Variants in ZNF273 observed in about 807,000 individuals in gnomAD.
ZNF273 encodes zinc finger protein 9.
ZNF273 carries 11 observed loss-of-function variants against 14.9 expected under a neutral mutation model. The ratio of observed to expected loss-of-function variants is 0.74; its 90% confidence interval spans 0.46 to 1.22. The LOEUF is 1.22. Ranked by LOEUF, ZNF273 falls within the 50% of genes most tolerant of loss-of-function variation. ZNF273 has a pLI of 0.00. For synonymous variants in ZNF273, 199 were observed against 223.9 expected (o/e 0.89, Z 0.99); for missense variants, 577 against 660.6 (o/e 0.87, Z 1.39).
chr7:64,923,018 T>C (rs1197329042), intron 3 of ZNF273, among the ~76,000 whole-genome samples: 1 of 152,154 alleles, frequency 6.6e-6, no homozygotes, highest in Non-Finnish European at 1.5e-5. Context: ...ATAAATATTC[T>C]TAAATATTCA....
downstream of ZNF273, among the ~76,000 whole-genome samples, chr7:64,881,092 C>A (rs1374743363): frequency 6.6e-6 from 1 of 152,210 alleles, no homozygotes; most frequent in African/African-American, 2.4e-5. Context: ...GCATTCCCTT[C>A]GTCCACAGGC....
chr7:64,884,117 G>A (rs1161082692), downstream of ZNF273, among the ~76,000 whole-genome samples: 1 of 152,064 alleles, frequency 6.6e-6, no homozygotes, highest in Non-Finnish European at 1.5e-5. Flanking sequence ...TGTGGATTTC[G>A]TTGGTCTTTG....
chr7:64,905,385 A>C (rs1243371157), intron 1 of ZNF273, among the ~76,000 whole-genome samples: 1 of 146,960 alleles, frequency 6.8e-6, no homozygotes. Flanking sequence ...CAGAGTGCTG[A>C]GATTACAGGC....
chr7:64,926,474 A>G (rs993296072), intron 3 of ZNF273, among the ~76,000 whole-genome samples: 1 of 151,738 alleles, frequency 6.6e-6, no homozygotes, highest in Non-Finnish European at 1.5e-5. Context: ...ACTTGTTTTT[A>G]TCCTCATATT....
chr7:64,927,135 C>G (rs1001851386), intron 3 of ZNF273, among the ~76,000 whole-genome samples: 1 of 152,210 alleles, frequency 6.6e-6, no homozygotes, highest in Admixed American at 6.5e-5. Flanking sequence ...TCTCATCACC[C>G]AGGCTGAAGT....
chr7:64,914,766 G>T (rs1263807638), intron 1 of ZNF273, among the ~76,000 whole-genome samples: 1 of 152,160 alleles, frequency 6.6e-6, no homozygotes. Flanking sequence ...CTGTTTTGGA[G>T]TTTTTCATGT....
chr7:64,902,734 A>T (rs1270945280), upstream of ZNF273, among the ~76,000 whole-genome samples: 1 of 152,214 alleles, frequency 6.6e-6, no homozygotes, highest in Non-Finnish European at 1.5e-5. Flanking sequence ...AAAGAAAAAG[A>T]AAGAAAGAAA....
chr7:64,924,151 A>T (rs758974822), intron 3 of ZNF273: 1 of 150,742 alleles, frequency 6.6e-6, no homozygotes, highest in Non-Finnish European at 1.5e-5. Flanking sequence ...TTAGCTTTTA[A>T]TATTGTTTTA....
downstream of ZNF273, among the ~76,000 whole-genome samples, chr7:64,880,978 T>A (rs1791236659): frequency 6.6e-6 from 1 of 152,168 alleles, no homozygotes; most frequent in Non-Finnish European, 1.5e-5. Flanking sequence ...TTAGGTCAGA[T>A]GGGGTGAGGA....
intron 1 of ZNF273, among the ~76,000 whole-genome samples, chr7:64,885,021 C>T (rs72504857): frequency 1.3e-5 from 2 of 152,340 alleles, no homozygotes; most frequent in Admixed American, 6.5e-5. Context: ...GCGCCAGTCG[C>T]GGGACACCTG....
chr7:64,890,217 T>TGAGAGAGAGAGAGAGAGAGAGAGA (rs768884417), downstream of ZNF273: 1 of 19,910 alleles, frequency 5.0e-5, no homozygotes, highest in Non-Finnish European at 1.5e-4. Context: ...TGTGTGTGTG[T>TGAGAGAGAGAGAGAGAGAGAGAGA]GTGTGAGAGA....
upstream of ZNF273, among the ~76,000 whole-genome samples, chr7:64,901,649 CATGGG>C (rs956793656): frequency 2.6e-5 from 4 of 152,194 alleles, no homozygotes; most frequent in African/African-American, 9.7e-5. Context: ...TTTTCTCTGC[CATGGG>C]ATCCTCCTAT....
Position 64,927,788 on chromosome 7 carries a change from G to T in ZNF273, c.460G>T (p.Asp154Tyr), listed in dbSNP as rs565344844. The change falls in exon 4 of 4, where the codon GAT becomes TAT. Residue 154 changes from aspartate to tyrosine, a missense_variant. Asp to Tyr is a radical substitution (Grantham distance 160). Transcript: ENST00000476120. Reference protein sequence around the residue: ...LQLRKGCKSADEHKVHKRGYN... With the variant: ...LQLRKGCKSAYEHKVHKRGYN... ...ATTAAGAAAAGGCTGTAAAAGTGCG[G>T]ATGAGCATAAGGTGCACAAAAGAGG... is the stretch of plus-strand genomic sequence containing the variant. 6.2e-7 allele frequency: 1 copy of T among 1,613,942 alleles called. No homozygotes were observed. Among genetic ancestry groups the T allele is most frequent in the South Asian group, 1.1e-5 (1 of 91,008 alleles).
intron 3 of ZNF273, among the ~76,000 whole-genome samples, chr7:64,895,625 A>G (rs1202200266): frequency 6.6e-6 from 1 of 152,238 alleles, no homozygotes; most frequent in East Asian, 1.9e-4. Flanking sequence ...TTGGCAACTC[A>G]GTATTACATA....
chr7:64,894,895 C>T (rs570581420), intron 3 of ZNF273, among the ~76,000 whole-genome samples: 86 of 151,668 alleles, frequency 5.7e-4, no homozygotes, highest in African/African-American at 2.1e-3. Flanking sequence ...TTTGGGAGGC[C>T]GAGGCAGATG....
intron 3 of ZNF273, among the ~76,000 whole-genome samples, chr7:64,921,644 G>T (rs1794472331): frequency 1.3e-4 from 4 of 31,350 alleles, no homozygotes; most frequent in Non-Finnish European, 1.3e-4. Flanking sequence ...TTTTGTGTGT[G>T]AGACAGAGTC....
chr7:64,888,941 C>G, downstream of ZNF273: 1 of 982,124 alleles, frequency 1.0e-6, no homozygotes, highest in Non-Finnish European at 1.2e-6. Flanking sequence ...TGGTGGAGCC[C>G]AGGGTGTCCA....
intron 1 of ZNF273, 98 bp downstream of exon 1, chr7:64,903,517 C>A: frequency 8.2e-7 from 1 of 1,220,166 alleles, no homozygotes; most frequent in Non-Finnish European, 1.2e-6. Flanking sequence ...CTGCAGTAGA[C>A]TCCAAAATCC....
At chr7:64,886,060 G>A (rs978729231) in intron 1 of ZNF273, among the ~76,000 whole-genome samples, 1 of 136,562 alleles carries the variant, frequency 7.3e-6, no homozygotes, top group South Asian at 2.5e-4. Context: ...CTTAGGTGGG[G>A]GAAACCACAC....
Sources: gnomAD v4.1 joint callset for allele counts (sites outside exome capture counted in the v4.1 genomes callset) on GRCh38, gnomAD v4.1.1 for gene constraint, MANE v1.5 for transcripts, NCBI Gene and HGNC (gene_info 2026-07-23, HGNC 2026-07-21) for gene names.